The following KAZN variants were observed in gnomAD, a reference collection of about 807,000 sequenced individuals.
KAZN encodes the protein kazrin.
Under a neutral mutation model 87.4 loss-of-function variants are expected in KAZN, and 40 were observed. That is an observed-to-expected ratio of 0.46 (90% confidence interval 0.36 to 0.60). KAZN has a LOEUF of 0.60. Ranked by LOEUF, KAZN falls within the 20% of genes least tolerant of loss-of-function variation. The pLI is 0.00. For missense variants in KAZN, 898 were observed against 1,073.9 expected, an observed-to-expected ratio of 0.84 and a Z score of 2.29; for synonymous variants, 466 against 458.3, an observed-to-expected ratio of 1.02 and a Z score of -0.22.
chr1:14,102,912 C>CTTTTTTTTTTTTTTTT lies in KAZN; in HGVS notation c.92-77522_92-77521insTTTTTTTTTTTTTTTT, dbSNP rs140592376. 1.3e-5 allele frequency among the ~76,000 whole-genome samples: 2 copies of CTTTTTTTTTTTTTTTT among 149,424 alleles called. 1 individual carries two copies. The highest frequency in any genetic ancestry group is 5.0e-5 in the African/African-American group (2 of 40,302). On this transcript the variant is annotated intron_variant, in intron 1 of 16. Coordinates refer to the KAZN transcript ENST00000636203. The stretch of plus-strand genomic sequence containing the variant: ...TGTACACATTTGAATACTAATCTCT[C>CTTTTTTTTTTTTTTTT]TCTTTTTTTTTTTTTTAACGGAGTC...
chr1:14,063,831 A>G (rs987667582), intron 1 of KAZN, among the ~76,000 whole-genome samples: 4 of 152,220 alleles, frequency 2.6e-5, no homozygotes, highest in Admixed American at 1.3e-4. Context: ...TATAAATGGG[A>G]GTTCCGCGGC....
intron 2 of KAZN, among the ~76,000 whole-genome samples, chr1:14,360,555 A>T (rs982671171): frequency 5.3e-5 from 8 of 150,310 alleles, no homozygotes; most frequent in Non-Finnish European, 1.0e-4. Context: ...CTTTTTGTGC[A>T]TTTTTTTTTA....
chr1:14,163,314 C>A (rs1645751793), intron 1 of KAZN, among the ~76,000 whole-genome samples: 1 of 152,120 alleles, frequency 6.6e-6, no homozygotes, highest in African/African-American at 2.4e-5. Context: ...CCCATCTGAC[C>A]TTTGACTTGA....
At chr1:14,186,241 A>G (rs1186388279) in intron 2 of KAZN, among the ~76,000 whole-genome samples, 1 of 152,192 alleles carries the variant, frequency 6.6e-6, no homozygotes, top group Non-Finnish European at 1.5e-5. Context: ...AATGGAATTT[A>G]TGCTGGTCTA....
chr1:14,444,659 C>T (rs536072948), intron 2 of KAZN, among the ~76,000 whole-genome samples: 5 of 152,182 alleles, frequency 3.3e-5, no homozygotes, highest in Middle Eastern at 3.4e-3. Context: ...TTCACCCCGA[C>T]GTCTGGGTAG....
chr1:14,590,231 G>A (rs1018648406), intron 2 of KAZN, among the ~76,000 whole-genome samples: 1 of 152,078 alleles, frequency 6.6e-6, no homozygotes, highest in Non-Finnish European at 1.5e-5. Flanking sequence ...AATCACTGGG[G>A]TACCATTTTA....
chr1:14,961,764 C>T (rs79949949), intron 2 of KAZN, among the ~76,000 whole-genome samples: 4 of 152,330 alleles, frequency 2.6e-5, no homozygotes, highest in Non-Finnish European at 5.9e-5. Context: ...AATGAATCCT[C>T]TTTAAAAATG....
At chr1:14,684,531 G>A (rs1219088178) in intron 1 of KAZN, among the ~76,000 whole-genome samples, 1 of 152,194 alleles carries the variant, frequency 6.6e-6, no homozygotes, top group East Asian at 1.9e-4. Flanking sequence ...GGTTCTGGAG[G>A]CCAGAAGTGT....
chr1:14,399,551 C>G (rs372650733), intron 2 of KAZN, among the ~76,000 whole-genome samples: 1 of 152,058 alleles, frequency 6.6e-6, no homozygotes, highest in Non-Finnish European at 1.5e-5. Flanking sequence ...AGGACCAATC[C>G]CAAGCTTTGA....
rs554960257 is a variant in KAZN, at chr1:14,600,690, A to G, written c.226+1467A>G. Among the ~76,000 whole-genome samples the G allele has an allele frequency of 1.3e-3, 197 of 149,686 alleles. 1 individual carries two copies. The highest frequency in any genetic ancestry group is 4.7e-3 in the African/African-American group (192 of 40,422). ...GCAAAAAAAAAAAAAAAAAAAAAAG[A>G]CAGACTGCAAGGTAATGCTTCACTT... On this transcript the variant is annotated intron_variant, in intron 1 of 14. Coordinates refer to ENST00000376030, the MANE Select transcript of KAZN (RefSeq NM_201628.3).
intron 8 of KAZN, among the ~76,000 whole-genome samples, chr1:15,089,470 T>C (rs1010618362): frequency 1.3e-5 from 2 of 151,734 alleles, no homozygotes. Context: ...AGGAATGTAG[T>C]GGGAAGGAAG....
At chr1:14,251,644 T>A (rs953888921) in intron 2 of KAZN, among the ~76,000 whole-genome samples, 2 of 47,490 alleles carry the variant, frequency 4.2e-5, no homozygotes, top group African/African-American at 2.3e-4. Flanking sequence ...TCTCCCGGAC[T>A]TTTTTTTTTT....
chr1:15,003,005 TACACACAC>T (rs113317563), intron 2 of KAZN, among the ~76,000 whole-genome samples: 8 of 131,500 alleles, frequency 6.1e-5, no homozygotes, highest in African/African-American at 1.1e-4. Flanking sequence ...AAAATAAACG[TACACACAC>T]ACACACACAC....
intron 1 of KAZN, among the ~76,000 whole-genome samples, chr1:14,621,813 GC>G (rs577695861): frequency 6.6e-6 from 1 of 152,060 alleles, no homozygotes; most frequent in Non-Finnish European, 1.5e-5. Context: ...TGACTGTGAG[GC>G]CCCCCCTCAA....
intron 1 of KAZN, chr1:14,929,862 G>T: frequency 5.1e-6 from 5 of 985,462 alleles, no homozygotes; most frequent in Non-Finnish European, 6.0e-6. Flanking sequence ...CCTTGTGGCG[G>T]CTTCTATGAA....
At chr1:14,264,991 C>T (rs534295710) in intron 2 of KAZN, among the ~76,000 whole-genome samples, 1 of 152,254 alleles carries the variant, frequency 6.6e-6, no homozygotes, top group East Asian at 1.9e-4. Flanking sequence ...TGAGTGACTT[C>T]CAGGTGATTT....
At chr1:14,145,831 T>A (rs1645337211) in intron 1 of KAZN, among the ~76,000 whole-genome samples, 1 of 152,238 alleles carries the variant, frequency 6.6e-6, no homozygotes, top group South Asian at 2.1e-4. Context: ...TCCACTTGCC[T>A]TGGCGTCCCA....
Position 14,062,150 on chromosome 1 carries a change from G to T in KAZN, c.92-118285G>T, listed in dbSNP as rs550825808. Among the ~76,000 whole-genome samples, 44 of 152,252 alleles carry T rather than the reference G, an allele frequency of 2.9e-4. No homozygotes were observed. In the South Asian group the frequency reaches 8.9e-3, roughly 31 times the overall value. On this transcript the variant is annotated intron_variant, in intron 1 of 16. Transcript: ENST00000636203. ...AGGACACTTAGCCACCAAATAATAA[G>T]AAGATGTGCGGCTAACTACTTCAGG...
At chr1:14,887,178 C>G (rs1416427602) in intron 1 of KAZN, among the ~76,000 whole-genome samples, 2 of 152,204 alleles carry the variant, frequency 1.3e-5, no homozygotes, top group Non-Finnish European at 2.9e-5. Flanking sequence ...TTCCCCTTAA[C>G]TGCCAAAGAC....
Sources: allele counts gnomAD v4.1 joint callset (sites outside exome capture counted in the v4.1 genomes callset), GRCh38; gene constraint gnomAD v4.1.1; transcripts MANE v1.5; gene names NCBI Gene and HGNC (gene_info 2026-07-23, HGNC 2026-07-21).